Variants in BPTF observed in about 807,000 individuals in gnomAD.
The protein encoded by BPTF is nucleosome-remodeling factor subunit BPTF.
BPTF carries 18 observed loss-of-function variants against 292.5 expected under a neutral mutation model. That is an observed-to-expected ratio of 0.06 (90% confidence interval 0.04 to 0.09). The LOEUF is 0.09. BPTF is among the 10% of genes least tolerant of loss of function. The pLI, the probability that BPTF is intolerant of heterozygous loss-of-function variation, is 1.00. For synonymous variants in BPTF, 1,225 were observed against 1,251.9 expected, an observed-to-expected ratio of 0.98 and a Z score of 0.45; for missense variants, 2,726 against 3,498.7, an observed-to-expected ratio of 0.78 and a Z score of 5.57.
At chr17:67,856,744 G>A (rs2058714538) in intron 2 of BPTF, among the ~76,000 whole-genome samples, 2 of 152,194 alleles carry the variant, frequency 1.3e-5, no homozygotes, top group African/African-American at 4.8e-5. Context: ...TCTGGTGGCT[G>A]AGTGGTGGAA....
At chr17:67,844,933 G>T (rs1005891008) in intron 1 of BPTF, among the ~76,000 whole-genome samples, 1 of 152,098 alleles carries the variant, frequency 6.6e-6, no homozygotes, top group Non-Finnish European at 1.5e-5. Flanking sequence ...AGTAGAGACA[G>T]CGTTTCTTCA....
intron 18 of BPTF, among the ~76,000 whole-genome samples, chr17:67,933,602 T>G (rs1344796825): frequency 6.6e-6 from 1 of 152,054 alleles, no homozygotes; most frequent in Non-Finnish European, 1.5e-5. Context: ...AGATTGCAGT[T>G]AAGGTATAAT....
chr17:67,978,188 C>G (rs2069789462), intron 27 of BPTF, among the ~76,000 whole-genome samples: 1 of 151,636 alleles, frequency 6.6e-6, no homozygotes, highest in African/African-American at 2.4e-5. Flanking sequence ...CAGGGTCTTG[C>G]TATGACCCAA....
chr17:67,885,447 A>G (rs1248069153), intron 4 of BPTF, among the ~76,000 whole-genome samples: 2 of 152,114 alleles, frequency 1.3e-5, no homozygotes, highest in Non-Finnish European at 2.9e-5. Context: ...TTATCCAGGT[A>G]TGGTGGCGTG....
chr17:67,914,640 G>A (rs940142742), intron 11 of BPTF, among the ~76,000 whole-genome samples: 2 of 152,134 alleles, frequency 1.3e-5, no homozygotes, highest in African/African-American at 2.4e-5. Flanking sequence ...TGTGGAGGCC[G>A]ACCTTTCTGC....
At position 67,972,888 on chromosome 17, in the gene BPTF, A is replaced by G. The variant is rs551912064; in HGVS notation, c.8540-2884A>G. 4.0e-4 allele frequency among the ~76,000 whole-genome samples: 61 copies of G among 151,946 alleles called. 1 individual carries two copies. Among genetic ancestry groups the G allele is most frequent in the African/African-American group, 1.3e-3 (56 of 41,488 alleles). On this transcript the variant is annotated intron_variant, in intron 26 of 27. Coordinates refer to ENST00000306378, the MANE Select transcript of BPTF (RefSeq NM_182641.4). ...GTGCGTTCTTTCCTGAACACCTTAC[A>G]TGAACCTACAGCATCGATGTGCCAA...
intron 9 of BPTF, among the ~76,000 whole-genome samples, chr17:67,905,069 T>C (rs2062084845): frequency 6.6e-6 from 1 of 152,184 alleles, no homozygotes; most frequent in African/African-American, 2.4e-5. Flanking sequence ...AACTTGTTTT[T>C]TAGAAGACGC....
chr17:67,858,330 G>A (rs577331006), intron 2 of BPTF, among the ~76,000 whole-genome samples: 38 of 152,080 alleles, frequency 2.5e-4, no homozygotes, highest in African/African-American at 7.5e-4. Context: ...TTTTGTTTTT[G>A]TCTTTGTTTT....
Position 67,854,850 on chromosome 17 carries a change from TGTG to T in BPTF, c.1436+91_1436+93del, listed in dbSNP as rs1475088730. 6.5e-6 allele frequency: 6 copies of T among 918,976 alleles called. No homozygotes were observed. In the Admixed American group the frequency reaches 1.5e-4, roughly 22 times the overall value. The allele number at this position is 918,976 out of a possible 1,614,324, so 56.9% of individuals were successfully genotyped here. ...TGATGTAGCAGAGCTATGCTGTTGATGTGGTATAAACCTTTGTAACTTAATAGT... is the reference window on the plus strand; with the variant it reads ...TGATGTAGCAGAGCTATGCTGTTGATGTATAAACCTTTGTAACTTAATAGT... On this transcript the variant is annotated intron_variant, in intron 2 of 27. Coordinates refer to ENST00000306378, the MANE Select transcript of BPTF (RefSeq NM_182641.4). This position sits in a 1 kb window ranked among gnomAD's most constrained non-coding sequence, Gnocchi z 5.6.
intron 4 of BPTF, 21 bp downstream of exon 4, chr17:67,875,041 A>G: frequency 6.3e-7 from 1 of 1,582,682 alleles, no homozygotes; most frequent in Non-Finnish European, 8.6e-7. Context: ...TACTTGATTA[A>G]AAAGAAATAT....
intron 7 of BPTF, among the ~76,000 whole-genome samples, chr17:67,902,884 C>T (rs1598534452): frequency 1.3e-5 from 2 of 152,234 alleles, no homozygotes; most frequent in African/African-American, 4.8e-5. Context: ...AGCAGTTCTT[C>T]TGCCACTAGC....
At position 67,854,725 on chromosome 17, in the gene BPTF, C is replaced by A. The variant is rs146805567; in HGVS notation, c.1399C>A (p.Arg467=). The change falls in exon 2 of 28, where the codon CGG becomes AGG. Residue 467 remains arginine (R), a synonymous_variant. Coordinates refer to ENST00000306378, the MANE Select transcript of BPTF (RefSeq NM_182641.4). This position sits in a 1 kb window ranked among gnomAD's most constrained non-coding sequence, Gnocchi z 5.6. Reference sequence around the variant, plus strand: ...TGAACCTATTGGATATGATAGAAGTCGGAGGAAATACTGGTTCTTGAACCG... The same window carrying A: ...TGAACCTATTGGATATGATAGAAGTAGGAGGAAATACTGGTTCTTGAACCG... ...RHEPIGYDRS[R]RKYWFLNRRL... The A allele has an allele frequency of 6.2e-6, 10 of 1,613,954 alleles. No individual in the cohort carries two copies. In the Admixed American group the frequency reaches 1.5e-4, roughly 24 times the overall value.
rs746397866 is a variant in BPTF at position 67,919,995 on chromosome 17, A to G, written c.5429-20A>G. 3.8e-5 allele frequency: 61 copies of G among 1,597,526 alleles called. No individual in the cohort carries two copies. The highest frequency in any genetic ancestry group is 1.1e-4 in the South Asian group (10 of 89,294). ...AGTATTTCAGTTGGTTATTAATACT[A>G]TTGAATTAAATCACCATAGAAACAT... On this transcript the variant is annotated intron_variant, in intron 12 of 27. Coordinates refer to ENST00000306378, the MANE Select transcript of BPTF (RefSeq NM_182641.4).
At chr17:67,957,412 G>A (rs1206102858) in intron 23 of BPTF, 2 of 151,982 alleles carry the variant, frequency 1.3e-5, no homozygotes, top group Admixed American at 6.6e-5. Context: ...ATTTATAAAT[G>A]TGTCGGATTT....
chr17:67,889,425 C>T (rs2060959917), intron 4 of BPTF, among the ~76,000 whole-genome samples: 1 of 152,240 alleles, frequency 6.6e-6, no homozygotes, highest in African/African-American at 2.4e-5. Flanking sequence ...CTGACCCAGA[C>T]CAAATGATGT....
chr17:67,959,924 AT>A (rs782598045), intron 24 of BPTF, 49 bp downstream of exon 24: 1 of 1,334,506 alleles, frequency 7.5e-7, no homozygotes, highest in South Asian at 1.6e-5. Flanking sequence ...AAGTTTAGCT[AT>A]TAAATTGGAT....
At chr17:67,971,959 G>T (rs914574828) in intron 26 of BPTF, among the ~76,000 whole-genome samples, 1 of 152,046 alleles carries the variant, frequency 6.6e-6, no homozygotes, top group Admixed American at 6.6e-5. Flanking sequence ...CTTTTGAGGG[G>T]TATATTTTTT....
chr17:67,917,130 C>CTTTTTTTTTTTTTTTTT (rs58342878), intron 11 of BPTF, among the ~76,000 whole-genome samples: 1 of 94,224 alleles, frequency 1.1e-5, no homozygotes, highest in Non-Finnish European at 1.9e-5. Context: ...ATGGTATTGT[C>CTTTTTTTTTTTTTTTTT]CTTTTTTTTT....
intron 26 of BPTF, among the ~76,000 whole-genome samples, chr17:67,968,393 G>T (rs1162788151): frequency 6.6e-6 from 1 of 151,590 alleles, no homozygotes; most frequent in Non-Finnish European, 1.5e-5. Context: ...AATTTGGGTA[G>T]TCGCCTTTGA....
Sources: allele counts gnomAD v4.1 joint callset (sites outside exome capture counted in the v4.1 genomes callset), GRCh38; gene constraint gnomAD v4.1.1; non-coding constraint Gnocchi (gnomAD v3.1); transcripts MANE v1.5; gene names NCBI Gene and HGNC (gene_info 2026-07-23, HGNC 2026-07-21).